Variants in SYT14 observed in about 807,000 individuals in gnomAD.
The protein encoded by SYT14 is synaptotagmin 14, also known as synaptotagmin-14.
In SYT14, 32 loss-of-function variants were observed where a neutral mutation model predicts 74.2. The observed-to-expected ratio is 0.43, with a 90% CI of 0.33 to 0.58. The LOEUF (loss-of-function observed/expected upper bound fraction) is 0.58, where lower values mean the gene tolerates loss of function less well. Among genes scored for constraint, SYT14 ranks in the 20% least tolerant of loss-of-function variants. The pLI is 0.05. For synonymous variants in SYT14, 298 were observed against 337.7 expected (o/e 0.88, Z 1.29); for missense variants, 791 against 981.8 (o/e 0.81, Z 2.60).
intron 5 of SYT14, among the ~76,000 whole-genome samples, chr1:210,049,386 ATTC>A (rs2080945558): frequency 7.4e-6 from 1 of 135,404 alleles, no homozygotes; most frequent in South Asian, 2.2e-4. Context: ...TCAAACACCA[ATTC>A]TTTTTTTTTT....
exon 10 of SYT14, chr1:210,160,795 T>G (rs751644255): frequency 1.2e-6 from 2 of 1,613,992 alleles, no homozygotes; most frequent in Non-Finnish European, 1.7e-6. Context: ...AAGACATCCA[T>G]CCGCAGAGGG....
chr1:210,003,559 A>T (rs4844937), intron 2 of SYT14, among the ~76,000 whole-genome samples: 4 of 152,106 alleles, frequency 2.6e-5, no homozygotes, highest in Non-Finnish European at 5.9e-5. Context: ...TCTAACAGCT[A>T]GATTTTTTAC....
chr1:210,127,855 G>A (rs1301738005), intron 7 of SYT14, among the ~76,000 whole-genome samples: 5 of 151,916 alleles, frequency 3.3e-5, no homozygotes, highest in Non-Finnish European at 4.4e-5. Context: ...GTGAAACCTC[G>A]TCTCTACTAA....
At chr1:210,138,863 A>C (rs946452099) in intron 7 of SYT14, among the ~76,000 whole-genome samples, 6 of 152,192 alleles carry the variant, frequency 3.9e-5, no homozygotes, top group African/African-American at 1.4e-4. Flanking sequence ...TTCACAACTT[A>C]TCAGCTCTTT....
At chr1:210,046,107 A>G (rs1327088526) in intron 5 of SYT14, among the ~76,000 whole-genome samples, 5 of 152,208 alleles carry the variant, frequency 3.3e-5, no homozygotes. Flanking sequence ...ATGGTGGCTC[A>G]CGCCTATAAT....
chr1:209,946,400 G>A (rs2078824249), intron 1 of SYT14, among the ~76,000 whole-genome samples: 1 of 152,230 alleles, frequency 6.6e-6, no homozygotes, highest in African/African-American at 2.4e-5. Flanking sequence ...ACCTGCTGTA[G>A]TGAACACATG....
At chr1:209,979,831 C>T (rs978849962) in intron 2 of SYT14, among the ~76,000 whole-genome samples, 2 of 152,282 alleles carry the variant, frequency 1.3e-5, no homozygotes, top group Non-Finnish European at 2.9e-5. Flanking sequence ...ATATGTACCA[C>T]ATTTTCTTTA....
At position 210,016,897 on chromosome 1, in the gene SYT14, T is replaced by A. The variant is rs227221; in HGVS notation, c.894T>A (p.Ser298=). 8 of 1,231,554 alleles carry A rather than the reference T, an allele frequency of 6.5e-6. No individual in the cohort carries two copies. The Admixed American group carries it at 2.5e-4, about 39-fold the overall frequency. The allele number at this position is 1,231,554 out of a possible 1,614,324, so 76.3% of individuals were successfully genotyped here. ...GCAATAGGCATATGACACAGAAATC[T>A]ATTATAAAAGAAGACATACATCCAG... The change falls in exon 4 of 10, where the codon TCT becomes TCA. Residue 298 remains serine, a synonymous_variant. Transcript: ENST00000637265.
At chr1:210,106,814 TC>T (rs2082167116) in intron 7 of SYT14, among the ~76,000 whole-genome samples, 1 of 152,026 alleles carries the variant, frequency 6.6e-6, no homozygotes, top group Admixed American at 6.6e-5. Context: ...CCCTCACATT[TC>T]AAAACAAAAT....
At chr1:210,045,564 G>A (rs953794198) in intron 5 of SYT14, among the ~76,000 whole-genome samples, 6 of 152,166 alleles carry the variant, frequency 3.9e-5, no homozygotes, top group Middle Eastern at 3.4e-3. Flanking sequence ...GAAAAGAGCC[G>A]CCTCCAGCCA....
At chr1:209,989,970 G>A (rs1230895681) in intron 2 of SYT14, among the ~76,000 whole-genome samples, 1 of 152,006 alleles carries the variant, frequency 6.6e-6, no homozygotes, top group South Asian at 2.1e-4. Context: ...TTAAAGCCAT[G>A]TACTTGCAGT....
chr1:210,053,455 A>G (rs2081040321), intron 5 of SYT14, among the ~76,000 whole-genome samples: 1 of 152,232 alleles, frequency 6.6e-6, no homozygotes, highest in African/African-American at 2.4e-5. Flanking sequence ...AGGCCATTAG[A>G]AGATTTTAAA....
intron 5 of SYT14, among the ~76,000 whole-genome samples, chr1:210,074,122 C>G (rs1291136169): frequency 6.6e-6 from 1 of 152,088 alleles, no homozygotes; most frequent in Non-Finnish European, 1.5e-5. Context: ...ATTTATCTAT[C>G]CTTTCTGAGC....
chr1:210,159,184 T>TA lies in SYT14; in HGVS notation c.2225-230dup, dbSNP rs74911973. 0.26 allele frequency among the ~76,000 whole-genome samples: 38,808 copies of TA among 151,926 alleles called. 5,971 individuals are homozygous for TA. Among genetic ancestry groups the TA allele is most frequent in the East Asian group, 0.42 (2,188 of 5,178 alleles). On this transcript the variant is annotated intron_variant, in intron 8 of 9. Coordinates refer to ENST00000637265, the Ensembl canonical transcript of SYT14. ...ATATCATTAAAAAGATGTCCCCCTTTAAAAAAATGTAATTTTTGTTTAAGA... is the reference window on the plus strand; with the variant it reads ...ATATCATTAAAAAGATGTCCCCCTTTAAAAAAAATGTAATTTTTGTTTAAGA...
chr1:210,036,685 T>A (rs752350454), intron 5 of SYT14, among the ~76,000 whole-genome samples: 2 of 152,118 alleles, frequency 1.3e-5, no homozygotes, highest in African/African-American at 2.4e-5. Flanking sequence ...TCTGTTGAGA[T>A]GATAATATAG....
intron 7 of SYT14, among the ~76,000 whole-genome samples, chr1:210,153,280 C>T (rs1406336005): frequency 1.3e-5 from 2 of 152,096 alleles, no homozygotes; most frequent in African/African-American, 4.8e-5. Context: ...TGTTGTGTAG[C>T]GTTACCTCAT....
chr1:209,989,289 A>T (rs1387757062), intron 2 of SYT14, among the ~76,000 whole-genome samples: 1 of 152,180 alleles, frequency 6.6e-6, no homozygotes, highest in Non-Finnish European at 1.5e-5. Flanking sequence ...TTCAGGAGAG[A>T]CTGGGAAATT....
intron 5 of SYT14, among the ~76,000 whole-genome samples, chr1:210,040,501 C>G (rs573213489): frequency 6.6e-6 from 1 of 151,070 alleles, no homozygotes; most frequent in African/African-American, 2.4e-5. Context: ...TAACCCAGAA[C>G]TTAAAGTGTA....
intron 6 of SYT14, among the ~76,000 whole-genome samples, chr1:210,098,342 A>G (rs2082002949): frequency 1.3e-5 from 2 of 152,180 alleles, no homozygotes; most frequent in African/African-American, 2.4e-5. Context: ...ACAATGGCTA[A>G]AGAACACAGA....
Sources: allele counts gnomAD v4.1 joint callset (sites outside exome capture counted in the v4.1 genomes callset), GRCh38; gene constraint gnomAD v4.1.1; transcripts MANE v1.5; gene names NCBI Gene and HGNC (gene_info 2026-07-23, HGNC 2026-07-21).